Variants in SEC16B observed in about 807,000 individuals in gnomAD.
The protein encoded by SEC16B is protein transport protein Sec16B.
SEC16B carries 115 observed loss-of-function variants against 141.8 expected under a neutral mutation model. The ratio of observed to expected loss-of-function variants is 0.81; its 90% CI spans 0.70 to 0.95. SEC16B has a LOEUF of 0.95. SEC16B is among the 40% of genes least tolerant of loss of function. SEC16B has a pLI of 0.00. For synonymous variants in SEC16B, 493 were observed against 492.5 expected, an observed-to-expected ratio of 1.00 and a Z score of -0.01; for missense variants, 1,291 against 1,312.3, an observed-to-expected ratio of 0.98 and a Z score of 0.25.
chr1:177,928,834 A>G lies in SEC16B; in HGVS notation c.*1024T>C, dbSNP rs569480906. On this transcript the variant is annotated 3_prime_UTR_variant, in exon 26 of 26. Transcript: ENST00000308284. ...TTTAATTATTATCAATATCAGAACT[A>G]TAGAACATTAACGTACTAAACCTGT... is the stretch of plus-strand genomic sequence containing the variant. 6.6e-6 allele frequency: 1 copy of G among 152,354 alleles called. No individual in the cohort carries two copies. Among genetic ancestry groups the G allele is most frequent in the East Asian group, 1.9e-4 (1 of 5,186 alleles). 9.4% of individuals were successfully genotyped at this position (152,354 alleles called of 1,614,324 possible). A position where few individuals can be genotyped will look rare whatever the true frequency, so the allele number is the denominator to read the frequency against.
chr1:177,971,141 G>GTA (rs1393529990), upstream of SEC16B, among the ~76,000 whole-genome samples: 1 of 151,158 alleles, frequency 6.6e-6, no homozygotes, highest in Non-Finnish European at 1.5e-5. Context: ...GAGTTTAATG[G>GTA]TACAATCTCA....
chr1:177,950,416 T>C (rs1318713377), intron 12 of SEC16B, among the ~76,000 whole-genome samples: 4 of 152,172 alleles, frequency 2.6e-5, no homozygotes, highest in African/African-American at 4.8e-5. Context: ...GAATATGGCC[T>C]GGCCCATCCT....
Position 177,958,990 on chromosome 1 carries a change from T to C in SEC16B, c.999-15A>G. 1 of 1,609,300 alleles carries C rather than the reference T, an allele frequency of 6.2e-7. No individual in the cohort carries two copies. The highest frequency in any genetic ancestry group is 8.5e-7 in the Non-Finnish European group (1 of 1,178,080). On this transcript the variant is annotated splice_polypyrimidine_tract_variant and intron_variant, in intron 8 of 25. Transcript: ENST00000308284. ...GTACATCTTCCCTACATGGAAAAAATTTAGGGAGCAAAGAGTGAGCAGGCA... is the reference window on the plus strand; with the variant it reads ...GTACATCTTCCCTACATGGAAAAAACTTAGGGAGCAAAGAGTGAGCAGGCA...
At position 177,964,822 on chromosome 1, in the gene SEC16B, C is replaced by T. The variant is rs560046446; in HGVS notation, c.533+225G>A. On this transcript the variant is annotated intron_variant, in intron 4 of 25. Coordinates refer to ENST00000308284, the MANE Select transcript of SEC16B (RefSeq NM_033127.4). Reference sequence around the variant, plus strand: ...CAAGGAACCTCACAGGACTCAGACTCGCCCAGCTTTGGGAACAGACTGTCA... The same window carrying T: ...CAAGGAACCTCACAGGACTCAGACTTGCCCAGCTTTGGGAACAGACTGTCA... Among the ~76,000 whole-genome samples the T allele has an allele frequency of 5.3e-5, 8 of 152,322 alleles. No individual in the cohort carries two copies. In the South Asian group the frequency reaches 8.3e-4, roughly 16 times the overall value.
chr1:177,980,143 T>A (rs1436211320), intron 1 of SEC16B, among the ~76,000 whole-genome samples: 1 of 152,200 alleles, frequency 6.6e-6, no homozygotes, highest in Non-Finnish European at 1.5e-5. Context: ...TATTCCCTTT[T>A]ACACTTAGGA....
intron 12 of SEC16B, chr1:177,948,656 T>A (rs1651928443): frequency 7.8e-7 from 1 of 1,277,614 alleles, no homozygotes; most frequent in African/African-American, 1.5e-5. Context: ...TAAAGGAGAA[T>A]TTCAAGGCAG....
At position 177,967,735 on chromosome 1, in the gene SEC16B, C is replaced by G. The variant is rs76856890; in HGVS notation, c.247G>C (p.Val83Leu). 1,990 of 1,613,120 alleles carry G rather than the reference C, an allele frequency of 1.2e-3. 31 individuals are homozygous for G. The African/African-American group carries it at 0.024, about 19-fold the overall frequency. Residue 83 changes from valine (V) to leucine (L), a missense_variant, in exon 2 of 26, where the codon GTG becomes CTG. By Grantham distance (32) the Val-to-Leu change is conservative. Transcript: ENST00000308284. ...CCTTCGTAATAGTCAACTCCAGACACAGGCTGATGCCAGTCCCCTGGCCTG... is the reference window on the plus strand; with the variant it reads ...CCTTCGTAATAGTCAACTCCAGACAGAGGCTGATGCCAGTCCCCTGGCCTG... Reference protein sequence around the residue: ...ASRPGDWHQPVSGVDYYEGGY... With the variant: ...ASRPGDWHQPLSGVDYYEGGY...
Position 177,929,331 on chromosome 1 carries a change from TATC to T in SEC16B, c.*524_*526del, listed in dbSNP as rs1650245641. 6.5e-6 allele frequency: 1 copy of T among 154,324 alleles called. No individual in the cohort carries two copies. The allele number at this position is 154,324 out of a possible 1,614,324, so 9.6% of individuals were successfully genotyped here. ...AGGACCAAGAGGGAAACTGCTGAAA[TATC>T]ATTGAAGAGGAAATTATAAAGGGCA... On this transcript the variant is annotated 3_prime_UTR_variant, in exon 26 of 26. Transcript: ENST00000308284.
At chr1:177,932,088 G>T (rs370136553) in intron 24 of SEC16B, among the ~76,000 whole-genome samples, 1 of 152,210 alleles carries the variant, frequency 6.6e-6, no homozygotes, top group Non-Finnish European at 1.5e-5. Context: ...GGTCTTTAAA[G>T]AGGCAATTAA....
Position 177,929,922 on chromosome 1 carries a change from G to A in SEC16B, c.3119C>T (p.Thr1040Met), listed in dbSNP as rs376871539. The A allele has an allele frequency of 5.1e-5, 83 of 1,613,772 alleles. 1 individual carries two copies. The highest frequency in any genetic ancestry group is 1.6e-4 in the South Asian group (15 of 90,998). ...ATTTGGCCGATTCAGGCTAGTGGCC[G>A]TGGGCAGCTGGAAAAGAAGAACAAA... ...YNPSQVPQLPTATSLNRPNRL... is the reference protein window; with the variant it reads ...YNPSQVPQLPMATSLNRPNRL... The change falls in exon 26 of 26, where the codon ACG becomes ATG. Residue 1040 changes from threonine to methionine, a missense_variant. Thr to Met is a moderately conservative substitution (Grantham distance 81). This residue lies in a region of SEC16B where 605 missense variants were observed against 614.1 expected (regional missense o/e 0.99). Coordinates refer to ENST00000308284, the MANE Select transcript of SEC16B (RefSeq NM_033127.4).
chr1:177,941,744 C>A (rs756344618), intron 16 of SEC16B, among the ~76,000 whole-genome samples, 156 bp downstream of exon 16: 4 of 152,178 alleles, frequency 2.6e-5, no homozygotes, highest in Non-Finnish European at 5.9e-5. Flanking sequence ...CTCTGCTTAT[C>A]GCATCTGGGC....
At chr1:177,936,204 G>T (rs1650825978) in intron 20 of SEC16B, 94 bp downstream of exon 20, 2 of 932,716 alleles carry the variant, frequency 2.1e-6, no homozygotes, top group East Asian at 5.2e-5. Context: ...CAACACTGAG[G>T]AGGAGCTTGC....
chr1:177,968,259 A>G (rs1653713158), intron 1 of SEC16B, among the ~76,000 whole-genome samples: 1 of 152,238 alleles, frequency 6.6e-6, no homozygotes, highest in Non-Finnish European at 1.5e-5. Context: ...ATTAAAAAGT[A>G]CATGTGGAAC....
chr1:177,951,019 AGGAGGGAG>A (rs558299206), intron 12 of SEC16B, among the ~76,000 whole-genome samples: 1 of 131,600 alleles, frequency 7.6e-6, no homozygotes, highest in Non-Finnish European at 1.6e-5. Flanking sequence ...GAGGATGTAA[AGGAGGGAG>A]GGAGGGAGGA....
At chr1:177,965,531 AG>A (rs1653449998) in intron 3 of SEC16B, among the ~76,000 whole-genome samples, 2 of 152,198 alleles carry the variant, frequency 1.3e-5, no homozygotes, top group African/African-American at 4.8e-5. Flanking sequence ...TGCTGTCCTC[AG>A]GGTGAAGTGA....
At chr1:177,944,345 A>G (rs1327586951) in intron 15 of SEC16B, among the ~76,000 whole-genome samples, 1 of 152,210 alleles carries the variant, frequency 6.6e-6, no homozygotes, top group African/African-American at 2.4e-5. Flanking sequence ...AGCCTCCAGC[A>G]GAGAGGCCTC....
intron 7 of SEC16B, 57 bp downstream of exon 7, chr1:177,960,734 T>C: frequency 6.6e-7 from 1 of 1,520,334 alleles, no homozygotes; most frequent in East Asian, 2.4e-5. Context: ...GTAAGCATGT[T>C]AGGAGTAGTT....
rs751258709 is a variant in SEC16B at position 177,958,183 on chromosome 1, A to G, written c.1314T>C (p.Pro438=). 2.5e-6 allele frequency: 4 copies of G among 1,594,026 alleles called. No homozygotes were observed. The highest frequency in any genetic ancestry group is 1.2e-5 in the South Asian group (1 of 86,142). ...TAGTGAATTTCTCCACGATCTGCGC[A>G]GGTGTCTCCACACTGGGGGGGATCT... is the stretch of plus-strand genomic sequence containing the variant. ...TGEIPPSVET[P]AQIVEKFTRL... The change falls in exon 10 of 26, where the codon CCT becomes CCC. Residue 438 remains proline, a synonymous_variant. Transcript: ENST00000308284.
chr1:177,933,436 G>A (rs1362750366), intron 21 of SEC16B, 48 bp downstream of exon 21: 1 of 1,596,388 alleles, frequency 6.3e-7, no homozygotes, highest in Non-Finnish European at 8.5e-7. Context: ...TCGAGGAAGG[G>A]AATGGCAGGG....
Sources: gnomAD v4.1 joint callset for allele counts (sites outside exome capture counted in the v4.1 genomes callset) on GRCh38, gnomAD v4.1.1 for gene constraint, gnomAD v4.1.1 regional missense constraint, MANE v1.5 for transcripts, NCBI Gene and HGNC (gene_info 2026-07-23, HGNC 2026-07-21) for gene names.